ELMOD1: variants seen among roughly 807,000 people sequenced by gnomAD.
ELMOD1 encodes the protein ELMO domain containing 1.
In ELMOD1, 21 loss-of-function variants were observed where a neutral mutation model predicts 46.7. That is an observed-to-expected ratio of 0.45 (90% CI 0.32 to 0.65). ELMOD1 has a LOEUF of 0.65. Among genes scored for constraint, ELMOD1 ranks in the 30% least tolerant of loss-of-function variants. ELMOD1 has a pLI of 0.04. For missense variants in ELMOD1, 348 were observed against 407.8 expected (o/e 0.85, Z 1.26); for synonymous variants, 122 against 138.2 (o/e 0.88, Z 0.82).
chr11:107,599,920 TA>T (rs1184451768), intron 1 of ELMOD1, among the ~76,000 whole-genome samples: 4 of 152,120 alleles, frequency 2.6e-5, no homozygotes, highest in Non-Finnish European at 4.4e-5. Context: ...CCAAAGCTAT[TA>T]AAGAGCAACA....
intron 2 of ELMOD1, among the ~76,000 whole-genome samples, chr11:107,627,262 C>T (rs181338050): frequency 9.9e-4 from 150 of 152,194 alleles, no homozygotes; most frequent in African/African-American, 3.5e-3. Context: ...TCCTGTTGGC[C>T]TAGGAATTAT....
At chr11:107,645,329 T>G (rs1866409867) in intron 6 of ELMOD1, among the ~76,000 whole-genome samples, 1 of 151,814 alleles carries the variant, frequency 6.6e-6, no homozygotes, top group African/African-American at 2.4e-5. Context: ...TGGTTTTTGT[T>G]TTTTGTTTTT....
In ELMOD1 at chr11:107,666,321, G is replaced by T. The variant is rs1451547562; in HGVS notation, c.*1124G>T. The T allele has an allele frequency of 6.6e-6, 1 of 152,174 alleles. No homozygotes were observed. Among genetic ancestry groups the T allele is most frequent in the African/African-American group, 2.4e-5 (1 of 41,438 alleles). The allele number at this position is 152,174 out of a possible 1,614,324, so 9.4% of individuals were successfully genotyped here. ...CACTGCCTGCCTCTTGCGGAACTGG[G>T]TTACACCCTGGCACTGTTCTGATCC... On this transcript the variant is annotated 3_prime_UTR_variant, in exon 12 of 12. Transcript: ENST00000265840.
At chr11:107,596,922 A>G (rs1269111225) in intron 1 of ELMOD1, among the ~76,000 whole-genome samples, 1 of 152,186 alleles carries the variant, frequency 6.6e-6, no homozygotes, top group Non-Finnish European at 1.5e-5. Flanking sequence ...AAATTTTTAT[A>G]TATACACAAT....
chr11:107,665,710 C>A lies in ELMOD1; in HGVS notation c.*513C>A, dbSNP rs1866830854. ...GGGCGCAGTGGCTCACACCTGTAAT[C>A]CCAGCACTTTGGGGAGCTGAGGCGG... On this transcript the variant is annotated 3_prime_UTR_variant, in exon 12 of 12. Transcript: ENST00000265840. The A allele has an allele frequency of 6.6e-6, 1 of 152,484 alleles. No individual in the cohort carries two copies. 9.4% of individuals were successfully genotyped at this position (152,484 alleles called of 1,614,324 possible). A position where few individuals can be genotyped will look rare whatever the true frequency, so the allele number is the denominator to read the frequency against.
At chr11:107,601,562 C>A (rs1363412796) in intron 1 of ELMOD1, among the ~76,000 whole-genome samples, 1 of 151,202 alleles carries the variant, frequency 6.6e-6, no homozygotes, top group African/African-American at 2.4e-5. Flanking sequence ...ATTACAGGCA[C>A]GTGCCACCAT....
intron 6 of ELMOD1, among the ~76,000 whole-genome samples, chr11:107,647,241 C>T (rs994455853): frequency 6.6e-6 from 1 of 152,038 alleles, no homozygotes; most frequent in African/African-American, 2.4e-5. Flanking sequence ...TGGGAACCTC[C>T]TGGGAGGCTT....
intron 1 of ELMOD1, among the ~76,000 whole-genome samples, chr11:107,607,314 CT>C (rs1865702114): frequency 6.6e-6 from 1 of 152,190 alleles, no homozygotes; most frequent in Non-Finnish European, 1.5e-5. Flanking sequence ...GTCATTGAAA[CT>C]TTCTCAATTA....
At chr11:107,660,618 A>G (rs2135718646) in intron 11 of ELMOD1, among the ~76,000 whole-genome samples, 1 of 152,370 alleles carries the variant, frequency 6.6e-6, no homozygotes, top group South Asian at 2.1e-4. Flanking sequence ...AGCTGGTTTC[A>G]GGCCCTCGTT....
chr11:107,654,437 G>T (rs1255049330), intron 10 of ELMOD1, among the ~76,000 whole-genome samples: 1 of 152,198 alleles, frequency 6.6e-6, no homozygotes, highest in African/African-American at 2.4e-5. Context: ...AAGGTAGAAA[G>T]TTGTAATTAT....
chr11:107,654,165 C>G lies in ELMOD1; in HGVS notation c.648-7C>G. ...TGACTTACTTACTTATTCATTCATC[C>G]ATTCAGCAAATTCAGCAAAGCAGAA... On this transcript the variant is annotated splice_polypyrimidine_tract_variant and splice_region_variant and intron_variant, in intron 9 of 11. Transcript: ENST00000265840. The G allele has an allele frequency of 1.3e-6, 2 of 1,576,746 alleles. No individual in the cohort carries two copies. The highest frequency in any genetic ancestry group is 1.7e-6 in the Non-Finnish European group (2 of 1,159,924).
intron 7 of ELMOD1, among the ~76,000 whole-genome samples, chr11:107,649,385 C>T (rs2135708284): frequency 6.6e-6 from 1 of 152,164 alleles, no homozygotes; most frequent in Non-Finnish European, 1.5e-5. Flanking sequence ...TTGAAAACTT[C>T]AGTAAGATAA....
chr11:107,642,184 C>T (rs1267275290), intron 6 of ELMOD1, among the ~76,000 whole-genome samples: 3 of 151,956 alleles, frequency 2.0e-5, no homozygotes, highest in African/African-American at 7.2e-5. Context: ...CCTCATGATC[C>T]ACCTGCCTTG....
chr11:107,641,254 C>T (rs540398396), intron 6 of ELMOD1, among the ~76,000 whole-genome samples: 18 of 151,562 alleles, frequency 1.2e-4, no homozygotes, highest in East Asian at 7.8e-4. Flanking sequence ...ATCATGCCAC[C>T]GCACTCCTAC....
At chr11:107,638,107 G>A (rs1866261139) in intron 6 of ELMOD1, among the ~76,000 whole-genome samples, 1 of 151,828 alleles carries the variant, frequency 6.6e-6, no homozygotes, top group Non-Finnish European at 1.5e-5. Context: ...CATACCATAC[G>A]CCCAGGAATT....
intron 6 of ELMOD1, chr11:107,643,041 G>A (rs1409943750): frequency 8.7e-6 from 2 of 229,844 alleles, no homozygotes; most frequent in East Asian, 1.7e-4. Context: ...AATATCTGGA[G>A]TAATAAAAAG....
In ELMOD1 at chr11:107,610,731, A is replaced by C. The variant is rs149202733; in HGVS notation, c.-85-7374A>C. Reference sequence around the variant, plus strand: ...TGAAACAGGTATAAACCAGGCTTACATGTAACCATATTGAAGTCAACAGGC... The same window carrying C: ...TGAAACAGGTATAAACCAGGCTTACCTGTAACCATATTGAAGTCAACAGGC... On this transcript the variant is annotated intron_variant, in intron 1 of 11. Coordinates refer to ENST00000265840, the MANE Select transcript of ELMOD1 (RefSeq NM_018712.4). 1.4e-3 allele frequency among the ~76,000 whole-genome samples: 220 copies of C among 152,056 alleles called. 1 individual carries two copies. The East Asian group carries it at 0.036, about 25-fold the overall frequency.
At chr11:107,610,112 C>T (rs2135664841) in intron 1 of ELMOD1, among the ~76,000 whole-genome samples, 1 of 152,184 alleles carries the variant, frequency 6.6e-6, no homozygotes, top group South Asian at 2.1e-4. Context: ...AGCATACAGT[C>T]CAGAGCAGAA....
At chr11:107,595,522 G>A (rs571480874) in intron 1 of ELMOD1, among the ~76,000 whole-genome samples, 10 of 152,264 alleles carry the variant, frequency 6.6e-5, no homozygotes, top group Admixed American at 3.3e-4. Flanking sequence ...GCATGAACAC[G>A]GCTTATTAAA....
Sources: allele counts gnomAD v4.1 joint callset (sites outside exome capture counted in the v4.1 genomes callset), GRCh38; gene constraint gnomAD v4.1.1; transcripts MANE v1.5; gene names NCBI Gene and HGNC (gene_info 2026-07-23, HGNC 2026-07-21).